CACNA1C: variants seen among roughly 807,000 people sequenced by gnomAD.
The protein encoded by CACNA1C is calcium voltage-gated channel subunit alpha1 C.
CACNA1C carries 30 observed loss-of-function variants against 229.0 expected under a neutral mutation model. That is an observed-to-expected ratio of 0.13 (90% CI 0.10 to 0.18). The LOEUF (loss-of-function observed/expected upper bound fraction) is 0.18, where lower values mean the gene tolerates loss of function less well. CACNA1C is among the 10% of genes least tolerant of loss of function. The probability of loss-of-function intolerance (pLI) is 1.00; values close to 1 mark genes in which losing one functional copy is unlikely to be tolerated. For synonymous variants in CACNA1C, 1,114 were observed against 1,132.5 expected (o/e 0.98, Z 0.33); for missense variants, 1,658 against 2,845.0 (o/e 0.58, Z 9.49).
chr12:2,527,489 A>G (rs2099820548), intron 9 of CACNA1C, among the ~76,000 whole-genome samples: 1 of 152,212 alleles, frequency 6.6e-6, no homozygotes, highest in Non-Finnish European at 1.5e-5. Flanking sequence ...ATTGTATCTC[A>G]TGTCCATGAC....
At chr12:2,496,948 G>C (rs1363873576) in intron 7 of CACNA1C, among the ~76,000 whole-genome samples, 1 of 152,216 alleles carries the variant, frequency 6.6e-6, no homozygotes, top group African/African-American at 2.4e-5. Context: ...TGGGGAGTGT[G>C]ATCAGATAAA....
Position 2,519,400 on chromosome 12 carries a change from T to G in CACNA1C, c.1390+6416T>G, listed in dbSNP as rs373298333. Among the ~76,000 whole-genome samples the G allele has an allele frequency of 5.3e-5, 8 of 152,364 alleles. No homozygotes were observed. The South Asian group carries it at 6.2e-4, about 12-fold the overall frequency. ...AGCTCACACTGCCCCTGGACTGAGTTGGCTCATTGTTCTGTCTGCTCAGAA... is the reference window on the plus strand; with the variant it reads ...AGCTCACACTGCCCCTGGACTGAGTGGGCTCATTGTTCTGTCTGCTCAGAA... On this transcript the variant is annotated intron_variant, in intron 9 of 46. Coordinates refer to ENST00000399655, the MANE Select transcript of CACNA1C (RefSeq NM_000719.7).
chr12:2,610,518 C>G (rs765086290), intron 27 of CACNA1C, 23 bp from the exon 28 acceptor site: 9 of 1,603,142 alleles, frequency 5.6e-6, no homozygotes, highest in Non-Finnish European at 7.7e-6. Flanking sequence ...CCCCACTCTC[C>G]CCATCCTCCA....
In CACNA1C at chr12:2,403,339, C is replaced by A. The variant is rs185556307; in HGVS notation, c.478-45637C>A. Reference sequence around the variant, plus strand: ...TGTGTCATTGGACGAGTGACTTCCCCTCTTGTGTCAAGGTGCGCTGCAGAG... The same window carrying A: ...TGTGTCATTGGACGAGTGACTTCCCATCTTGTGTCAAGGTGCGCTGCAGAG... On this transcript the variant is annotated intron_variant, in intron 3 of 46. Coordinates refer to ENST00000399655, the MANE Select transcript of CACNA1C (RefSeq NM_000719.7). This position sits in a 1 kb window ranked among gnomAD's most constrained non-coding sequence, Gnocchi z 4.1. 8.5e-5 allele frequency among the ~76,000 whole-genome samples: 13 copies of A among 152,272 alleles called. No homozygotes were observed. Among genetic ancestry groups the A allele is most frequent in the Admixed American group, 5.9e-4 (9 of 15,298 alleles).
chr12:2,458,090 A>G (rs890180859), intron 5 of CACNA1C, among the ~76,000 whole-genome samples: 1 of 152,178 alleles, frequency 6.6e-6, no homozygotes, highest in Non-Finnish European at 1.5e-5. Flanking sequence ...GATTATCTCT[A>G]CTTTCTGTGT....
chr12:2,451,367 G>C (rs2239081), intron 4 of CACNA1C, among the ~76,000 whole-genome samples: 14,110 of 152,236 alleles, frequency 0.093, 1,052 homozygotes, highest in African/African-American at 0.2. Flanking sequence ...GCATAGAAAA[G>C]AGCCTTGGGA....
At chr12:2,330,892 A>G (rs939942515) in intron 3 of CACNA1C, among the ~76,000 whole-genome samples, 3 of 152,238 alleles carry the variant, frequency 2.0e-5, no homozygotes, top group African/African-American at 7.2e-5. Context: ...ATAGAGTATC[A>G]AATGTCTGAC....
At chr12:2,680,535 G>C (rs1473911046) in intron 42 of CACNA1C, 3 of 1,573,384 alleles carry the variant, frequency 1.9e-6, no homozygotes, top group South Asian at 2.3e-5. Context: ...CAGAGTAGGA[G>C]AGTGGCTCCC....
At chr12:2,117,871 A>G (rs765414678) in intron 2 of CACNA1C, among the ~76,000 whole-genome samples, 3 of 152,194 alleles carry the variant, frequency 2.0e-5, no homozygotes, top group Non-Finnish European at 4.4e-5. Flanking sequence ...GTGGCATTCC[A>G]AGATTGCTTG....
chr12:1,989,106 G>T lies in CACNA1C; in HGVS notation c.139+17905G>T, dbSNP rs558286554. Among the ~76,000 whole-genome samples the T allele has an allele frequency of 9.9e-4, 151 of 152,330 alleles. 1 individual carries two copies. The Middle Eastern group carries it at 0.01, about 10-fold the overall frequency. On this transcript the variant is annotated intron_variant, in intron 1 of 46. Coordinates refer to the CACNA1C transcript ENST00000682462. The stretch of plus-strand genomic sequence containing the variant: ...TAGCTCTGAAATATCCCTGTCAGCT[G>T]GGCATGGTGGCTCCCGCCTGTAATG...
chr12:2,250,680 G>A (rs543897724), intron 3 of CACNA1C, among the ~76,000 whole-genome samples: 2 of 152,270 alleles, frequency 1.3e-5, no homozygotes, highest in South Asian at 4.2e-4. Flanking sequence ...CGGCCCTCCT[G>A]ACTTGATCAT....
At chr12:2,596,127 C>A in intron 20 of CACNA1C, 124 bp downstream of exon 20, 1 of 957,750 alleles carries the variant, frequency 1.0e-6, no homozygotes, top group Non-Finnish European at 1.5e-6. Context: ...AGATCCACAA[C>A]TAACATTTCA....
chr12:2,091,711 C>T (rs536595879), intron 1 of CACNA1C, among the ~76,000 whole-genome samples: 4 of 152,300 alleles, frequency 2.6e-5, no homozygotes, highest in African/African-American at 4.8e-5. Flanking sequence ...AGGACAAGGA[C>T]GTGTCTGGGG....
At chr12:2,464,827 C>G (rs61909376) in intron 5 of CACNA1C, among the ~76,000 whole-genome samples, 12,836 of 152,114 alleles carry the variant, frequency 0.084, 696 homozygotes, top group Non-Finnish European at 0.11. Flanking sequence ...TCAATTTTTC[C>G]TTGCTCAGGT....
At chr12:2,109,172 C>T (rs1175777757) in intron 1 of CACNA1C, among the ~76,000 whole-genome samples, 2 of 152,228 alleles carry the variant, frequency 1.3e-5, no homozygotes, top group African/African-American at 4.8e-5. Context: ...AGCAGGGTGA[C>T]TGCTGCTGAA....
At chr12:2,299,822 C>A (rs2154472140) in intron 3 of CACNA1C, among the ~76,000 whole-genome samples, 1 of 152,110 alleles carries the variant, frequency 6.6e-6, no homozygotes, top group African/African-American at 2.4e-5. Flanking sequence ...ACCATGTGAC[C>A]CGGACAAGGC....
At chr12:2,482,044 G>T (rs2099677853) in intron 5 of CACNA1C, among the ~76,000 whole-genome samples, 1 of 152,248 alleles carries the variant, frequency 6.6e-6, no homozygotes, top group Admixed American at 6.5e-5. Context: ...GGGCAGCTGT[G>T]AGCCAATCCC....
Position 2,467,333 on chromosome 12 carries a change from A to G in CACNA1C, c.757+9627A>G, listed in dbSNP as rs955155749. On this transcript the variant is annotated intron_variant, in intron 5 of 46. Coordinates refer to ENST00000399655, the MANE Select transcript of CACNA1C (RefSeq NM_000719.7). This position sits in a 1 kb window ranked among gnomAD's most constrained non-coding sequence, Gnocchi z 4.6. Reference sequence around the variant, plus strand: ...AGAGGAGCCCTGAGGCCAGAGGGCCACATGGCTTCCTTAAGGTCACAGAGT... The same window carrying G: ...AGAGGAGCCCTGAGGCCAGAGGGCCGCATGGCTTCCTTAAGGTCACAGAGT... Among the ~76,000 whole-genome samples the G allele has an allele frequency of 6.6e-6, 1 of 152,240 alleles. No homozygotes were observed. Among genetic ancestry groups the G allele is most frequent in the South Asian group, 2.1e-4 (1 of 4,836 alleles).
intron 3 of CACNA1C, among the ~76,000 whole-genome samples, chr12:2,297,767 T>C (rs1270552235): frequency 6.6e-6 from 1 of 152,194 alleles, no homozygotes; most frequent in Admixed American, 6.5e-5. Flanking sequence ...TCTGTGCATA[T>C]ACTTAAGTCT....
Sources: gnomAD v4.1 joint callset for allele counts (sites outside exome capture counted in the v4.1 genomes callset) on GRCh38, gnomAD v4.1.1 for gene constraint, Gnocchi (gnomAD v3.1) non-coding constraint, MANE v1.5 for transcripts, NCBI Gene and HGNC (gene_info 2026-07-23, HGNC 2026-07-21) for gene names.